The following ECE2 variants were observed in gnomAD, a reference collection of about 807,000 sequenced individuals.
ECE2 encodes the protein endothelin converting enzyme 2.
In ECE2, 81 loss-of-function variants were observed where a neutral mutation model predicts 100.6. The observed-to-expected ratio is 0.81, with a 90% CI of 0.67 to 0.97. The LOEUF (loss-of-function observed/expected upper bound fraction) is 0.97, where lower values mean the gene tolerates loss of function less well. Ranked by LOEUF, ECE2 falls within the 50% of genes least tolerant of loss-of-function variation. The pLI, the probability that ECE2 is intolerant of heterozygous loss-of-function variation, is 0.00. For synonymous variants in ECE2, 391 were observed against 391.5 expected (o/e 1.00, Z 0.02); for missense variants, 911 against 988.1 (o/e 0.92, Z 1.05).
At chr3:184,290,447 G>T (rs181892084) in intron 14 of ECE2, 89 bp downstream of exon 14, 1 of 1,558,436 alleles carries the variant, frequency 6.4e-7, no homozygotes, top group East Asian at 2.2e-5. Context: ...TGGCAAGACT[G>T]GTCCCAGACC....
Position 184,283,701 on chromosome 3 carries a change from T to A in ECE2, c.817-84T>A, listed in dbSNP as rs879023317. On this transcript the variant is annotated intron_variant, in intron 7 of 18. Transcript: ENST00000404464. Reference sequence around the variant, plus strand: ...CCAGAAGGATCAAGCAGAAGAGATATTGGGCAGAGGTGGTGGTAAGAACAG... The same window carrying A: ...CCAGAAGGATCAAGCAGAAGAGATAATGGGCAGAGGTGGTGGTAAGAACAG... 2.9e-6 allele frequency: 4 copies of A among 1,398,150 alleles called. No individual in the cohort carries two copies. In the Admixed American group the frequency reaches 8.4e-5, roughly 29 times the overall value. The allele number at this position is 1,398,150 out of a possible 1,614,324, so 86.6% of individuals were successfully genotyped here. A position where few individuals can be genotyped will look rare whatever the true frequency, so the allele number is the denominator to read the frequency against.
At chr3:184,290,404 G>A (rs764819104) in intron 14 of ECE2, 46 bp downstream of exon 14, 1 of 1,594,520 alleles carries the variant, frequency 6.3e-7, no homozygotes, top group Admixed American at 1.7e-5. Context: ...GGCAGGAGAG[G>A]TGGGGGAAGG....
Position 184,283,825 on chromosome 3 carries a change from T to G in ECE2, c.857T>G (p.Met286Arg). Residue 286 changes from methionine to arginine, a missense_variant, in exon 8 of 19, where the codon ATG (methionine) becomes AGG (arginine). By Grantham distance (91) the Met-to-Arg change is moderately conservative (BLOSUM62 -1). Coordinates refer to ENST00000404464, the MANE Select transcript of ECE2 (RefSeq NM_001100121.2). ...CTGGATTACATGGAGGAACTGGGGA[T>G]GCTGCTGGGTGGGCGGCCCACCTCC... is the stretch of plus-strand genomic sequence containing the variant. ...AYLDYMEELG[M>R]LLGGRPTSTR... The G allele has an allele frequency of 1.9e-6, 3 of 1,613,848 alleles. No homozygotes were observed. The highest frequency in any genetic ancestry group is 2.5e-6 in the Non-Finnish European group (3 of 1,179,960).
In ECE2 at chr3:184,291,922, C is replaced by T. The variant is rs545924729; in HGVS notation, c.2122-140C>T. On this transcript the variant is annotated intron_variant, in intron 18 of 18. Coordinates refer to ENST00000404464, the MANE Select transcript of ECE2 (RefSeq NM_001100121.2). The surrounding 1 kb of genome is among the most constrained non-coding windows in gnomAD (Gnocchi z 4.1). ...CTCGTCATGTCCATGCTGGGCAACC[C>T]GATGTCCAGGGCAGTTTTGGAAGGA... The T allele has an allele frequency of 3.6e-5, 34 of 951,616 alleles. No homozygotes were observed. The highest frequency in any genetic ancestry group is 1.5e-4 in the South Asian group (9 of 58,452). The allele number at this position is 951,616 out of a possible 1,614,324, so 58.9% of individuals were successfully genotyped here.
intron 7 of ECE2, among the ~76,000 whole-genome samples, chr3:184,280,470 G>A (rs1056609491): frequency 1.3e-5 from 2 of 152,196 alleles, no homozygotes; most frequent in African/African-American, 4.8e-5. Flanking sequence ...CATACAGAGA[G>A]GTCAGCAGGC....
chr3:184,292,406 C>A lies in ECE2; in HGVS notation c.*168C>A, dbSNP rs1035110152. On this transcript the variant is annotated 3_prime_UTR_variant, in exon 19 of 19. Coordinates refer to ENST00000404464, the MANE Select transcript of ECE2 (RefSeq NM_001100121.2). Reference sequence around the variant, plus strand: ...GACCCTCCTCAATCACCACATTGTGCCTCTGCTTTGGGGGTGCCCCTGCCT... The same window carrying A: ...GACCCTCCTCAATCACCACATTGTGACTCTGCTTTGGGGGTGCCCCTGCCT... 1.5e-5 allele frequency: 11 copies of A among 748,190 alleles called. No homozygotes were observed. The highest frequency in any genetic ancestry group is 1.1e-4 in the South Asian group (6 of 52,722). The allele number at this position is 748,190 out of a possible 1,614,324, so 46.3% of individuals were successfully genotyped here.
At position 184,292,362 on chromosome 3, in the gene ECE2, C is replaced by T. The variant is rs372418356; in HGVS notation, c.*124C>T. 1.4e-4 allele frequency: 161 copies of T among 1,131,964 alleles called. 2 individuals are homozygous for T. The South Asian group carries it at 1.8e-3, about 13-fold the overall frequency. 70.1% of individuals were successfully genotyped at this position (1,131,964 alleles called of 1,614,324 possible). A position where few individuals can be genotyped will look rare whatever the true frequency, so the allele number is the denominator to read the frequency against. On this transcript the variant is annotated 3_prime_UTR_variant, in exon 19 of 19. Coordinates refer to ENST00000404464, the MANE Select transcript of ECE2 (RefSeq NM_001100121.2). Reference sequence around the variant, plus strand: ...TGGGCTGGGTCTAGTCCCTCCCCCCCACAGGTGACATGAGTACAGACCCTC... The same window carrying T: ...TGGGCTGGGTCTAGTCCCTCCCCCCTACAGGTGACATGAGTACAGACCCTC...
chr3:184,292,299 G>A lies in ECE2; in HGVS notation c.*61G>A. The A allele has an allele frequency of 6.3e-7, 1 of 1,596,940 alleles. No homozygotes were observed. The highest frequency in any genetic ancestry group is 8.6e-7 in the Non-Finnish European group (1 of 1,168,846). On this transcript the variant is annotated 3_prime_UTR_variant, in exon 19 of 19. Coordinates refer to ENST00000404464, the MANE Select transcript of ECE2 (RefSeq NM_001100121.2). ...GACCTGGGGCAGCTCTCCTGACAAAGCTGTTTGCTCTTGGGTTGGGAGGAA... is the reference window on the plus strand; with the variant it reads ...GACCTGGGGCAGCTCTCCTGACAAAACTGTTTGCTCTTGGGTTGGGAGGAA...
Position 184,276,468 on chromosome 3 carries a change from G to A in ECE2, c.40-13G>A, listed in dbSNP as rs774342684. The A allele has an allele frequency of 1.4e-5, 22 of 1,604,308 alleles. No homozygotes were observed. The highest frequency in any genetic ancestry group is 2.2e-4 in the Middle Eastern group (1 of 4,526). ...CTGCCTGACCTCGGTTGGCAACCCCGACTGTCTGGCAGATGGTGGAGTACA... is the reference window on the plus strand; with the variant it reads ...CTGCCTGACCTCGGTTGGCAACCCCAACTGTCTGGCAGATGGTGGAGTACA... On this transcript the variant is annotated splice_polypyrimidine_tract_variant and intron_variant, in intron 1 of 18. Coordinates refer to ENST00000404464, the MANE Select transcript of ECE2 (RefSeq NM_001100121.2).
intron 4 of ECE2, among the ~76,000 whole-genome samples, chr3:184,277,675 G>A (rs928605051): frequency 6.6e-5 from 10 of 151,910 alleles, no homozygotes; most frequent in East Asian, 5.8e-4. Flanking sequence ...ATGGAGGGCC[G>A]CTTCTCTGCA....
chr3:184,278,398 C>T, intron 6 of ECE2, 85 bp downstream of exon 6: 1 of 1,587,160 alleles, frequency 6.3e-7, no homozygotes, highest in Non-Finnish European at 8.6e-7. Flanking sequence ...GCAGGCTGGG[C>T]TGACCCCCCG....
chr3:184,291,794 G>A lies in ECE2; in HGVS notation c.2122-268G>A, dbSNP rs1282716199. The stretch of plus-strand genomic sequence containing the variant: ...GAAAGCTCGGGACGCAGAGTGGCCT[G>A]TCCAGGGCTGCCCAGGAATAGAGTA... On this transcript the variant is annotated intron_variant, in intron 18 of 18. Transcript: ENST00000404464. The surrounding 1 kb of genome is among the most constrained non-coding windows in gnomAD (Gnocchi z 4.1). 3.6e-6 allele frequency: 2 copies of A among 548,652 alleles called. No individual in the cohort carries two copies. The highest frequency in any genetic ancestry group is 2.8e-5 in the South Asian group (1 of 36,280). 34.0% of individuals were successfully genotyped at this position (548,652 alleles called of 1,614,324 possible).
At chr3:184,281,823 G>A (rs552632838) in intron 7 of ECE2, among the ~76,000 whole-genome samples, 1 of 152,376 alleles carries the variant, frequency 6.6e-6, no homozygotes, top group East Asian at 1.9e-4. Context: ...AGTAGGCTGG[G>A]TGCAGTGGCT....
Position 184,291,082 on chromosome 3 carries a change from A to C in ECE2, c.1877A>C (p.Gln626Pro). 2 of 1,589,754 alleles carry C rather than the reference A, an allele frequency of 1.3e-6. No individual in the cohort carries two copies. The highest frequency in any genetic ancestry group is 8.6e-7 in the Non-Finnish European group (1 of 1,165,922). The change falls in exon 17 of 19, where the codon CAG becomes CCG. Residue 626 changes from glutamine (Q) to proline (P), a missense_variant. Coordinates refer to ENST00000404464, the MANE Select transcript of ECE2 (RefSeq NM_001100121.2). This position sits in a 1 kb window ranked among gnomAD's most constrained non-coding sequence, Gnocchi z 4.1. ...GAAGGGAACCTGCGGCCCTGGTGGC[A>C]GAATGAGTCCCTGGCAGCCTTCCGG... ...DKEGNLRPWW[Q>P]NESLAAFRNH...
chr3:184,277,854 G>C, intron 4 of ECE2, 71 bp from the exon 5 acceptor site: 4 of 1,577,008 alleles, frequency 2.5e-6, no homozygotes, highest in Admixed American at 1.7e-5. Flanking sequence ...GAGAGAAACC[G>C]AGCAAGGGCC....
intron 8 of ECE2, 60 bp from the exon 9 acceptor site, chr3:184,284,903 G>T (rs998527705): frequency 4.4e-6 from 7 of 1,586,388 alleles, no homozygotes; most frequent in Admixed American, 1.7e-5. Context: ...AGCATACAGT[G>T]GGGGAGGGTT....
Position 184,284,002 on chromosome 3 carries a change from TGA to T in ECE2, c.1005+33_1005+34del, listed in dbSNP as rs533985061. 6.1e-5 allele frequency: 98 copies of T among 1,610,854 alleles called. No individual in the cohort carries two copies. The African/African-American group carries it at 1.0e-3, about 17-fold the overall frequency. On this transcript the variant is annotated intron_variant, in intron 8 of 18. Coordinates refer to ENST00000404464, the MANE Select transcript of ECE2 (RefSeq NM_001100121.2). ...GGGCAGGCAGGGGGCTGGAGACAACTGAGAGGGGCCAGCCTTGGCATGGACCA... is the reference window on the plus strand; with the variant it reads ...GGGCAGGCAGGGGGCTGGAGACAACTGAGGGGCCAGCCTTGGCATGGACCA...
At chr3:184,277,578 G>A (rs1720622688) in intron 4 of ECE2, 112 bp downstream of exon 4, 1 of 1,198,206 alleles carries the variant, frequency 8.3e-7, no homozygotes, top group Admixed American at 2.2e-5. Flanking sequence ...GGATGGTTCT[G>A]TGAACACTCC....
chr3:184,290,787 C>T lies in ECE2; in HGVS notation c.1767-6C>T, dbSNP rs2108433650. ...ATGTCCTCACTTGCTATTCCTCACCCACCAGGGCCCTGAACTTCGGTGGCA... is the reference window on the plus strand; with the variant it reads ...ATGTCCTCACTTGCTATTCCTCACCTACCAGGGCCCTGAACTTCGGTGGCA... On this transcript the variant is annotated splice_region_variant and splice_polypyrimidine_tract_variant and intron_variant, in intron 15 of 18. Transcript: ENST00000404464. 1 of 1,614,140 alleles carries T rather than the reference C, an allele frequency of 6.2e-7. No individual in the cohort carries two copies. The highest frequency in any genetic ancestry group is 8.5e-7 in the Non-Finnish European group (1 of 1,180,022).
Sources: gnomAD v4.1 joint callset for allele counts (sites outside exome capture counted in the v4.1 genomes callset) on GRCh38, gnomAD v4.1.1 for gene constraint, Gnocchi (gnomAD v3.1) non-coding constraint, MANE v1.5 for transcripts, NCBI Gene and HGNC (gene_info 2026-07-23, HGNC 2026-07-21) for gene names.